Variants in EYA1 observed in about 807,000 individuals in gnomAD.
EYA1 encodes the protein EYA transcriptional coactivator and phosphatase 1.
In EYA1, 16 loss-of-function variants were observed where a neutral mutation model predicts 82.0. That is an observed-to-expected ratio of 0.20 (90% confidence interval 0.13 to 0.30). EYA1 has a LOEUF of 0.30. EYA1 is among the 10% of genes least tolerant of loss of function. EYA1 has a pLI of 1.00. For synonymous variants in EYA1, 261 were observed against 264.4 expected, an observed-to-expected ratio of 0.99 and a Z score of 0.12; for missense variants, 633 against 730.7, an observed-to-expected ratio of 0.87 and a Z score of 1.54.
chr8:71,543,874 A>G (rs987388810), intron 1 of EYA1, among the ~76,000 whole-genome samples: 10 of 152,140 alleles, frequency 6.6e-5, no homozygotes, highest in Middle Eastern at 3.2e-3. Flanking sequence ...TGAGAAAATA[A>G]ATGCCCTCCT....
At chr8:71,368,901 T>A (rs1478406385) in intron 2 of EYA1, among the ~76,000 whole-genome samples, 2 of 151,828 alleles carry the variant, frequency 1.3e-5, no homozygotes, top group Non-Finnish European at 2.9e-5. Flanking sequence ...ATTAAGATCT[T>A]CTTAAGGCCG....
At chr8:71,274,885 C>T (rs532303601) in intron 9 of EYA1, among the ~76,000 whole-genome samples, 6 of 147,370 alleles carry the variant, frequency 4.1e-5, no homozygotes, top group African/African-American at 1.3e-4. Flanking sequence ...AGAGAGTGAG[C>T]GAGCGAGAGA....
chr8:71,268,366 C>A (rs1252592728), intron 11 of EYA1, among the ~76,000 whole-genome samples: 4 of 152,104 alleles, frequency 2.6e-5, no homozygotes, highest in Non-Finnish European at 4.4e-5. Context: ...CAAGGTTCTG[C>A]CTACTAACTA....
chr8:71,253,752 G>T (rs1286687257), intron 11 of EYA1, among the ~76,000 whole-genome samples: 2 of 152,140 alleles, frequency 1.3e-5, no homozygotes, highest in East Asian at 3.9e-4. Flanking sequence ...CTATTGAAAA[G>T]ATAACAAAGG....
intron 3 of EYA1, among the ~76,000 whole-genome samples, chr8:71,348,674 C>G (rs997078918): frequency 1.3e-5 from 2 of 152,164 alleles, no homozygotes; most frequent in East Asian, 3.9e-4. Flanking sequence ...AAGGCTCACA[C>G]GGGCCACCCC....
At chr8:71,441,069 G>C (rs1182786077) in intron 2 of EYA1, among the ~76,000 whole-genome samples, 1 of 151,990 alleles carries the variant, frequency 6.6e-6, no homozygotes, top group African/African-American at 2.4e-5. Context: ...GTGCACAAAG[G>C]AATGAAAAGA....
intron 17 of EYA1, among the ~76,000 whole-genome samples, chr8:71,201,561 A>G (rs1807020995): frequency 6.6e-6 from 1 of 152,218 alleles, no homozygotes; most frequent in African/African-American, 2.4e-5. Flanking sequence ...ATGTTGTAAA[A>G]TATAGAACCC....
At chr8:71,336,737 A>T (rs1298134866) in intron 3 of EYA1, among the ~76,000 whole-genome samples, 1 of 152,136 alleles carries the variant, frequency 6.6e-6, no homozygotes, top group Non-Finnish European at 1.5e-5. Flanking sequence ...CCATCTATAC[A>T]CTAAGGAATA....
At chr8:71,366,101 G>T (rs913787180), upstream of EYA1, among the ~76,000 whole-genome samples, 6 of 151,922 alleles carry the variant, frequency 3.9e-5, no homozygotes, top group Non-Finnish European at 7.4e-5. Flanking sequence ...ATTTATTTAT[G>T]TAGGGTGTGA....
intron 2 of EYA1, among the ~76,000 whole-genome samples, chr8:71,477,816 G>A (rs36092019): frequency 0.15 from 23,287 of 152,130 alleles, 2,027 homozygotes; most frequent in Non-Finnish European, 0.2. Context: ...ATTCATAATA[G>A]CCAAATGCAA....
intron 2 of EYA1, among the ~76,000 whole-genome samples, chr8:71,389,209 T>A (rs1829137798): frequency 1.3e-5 from 2 of 152,152 alleles, no homozygotes; most frequent in Admixed American, 1.3e-4. Flanking sequence ...GATATTTTCA[T>A]TGTTTTTTTA....
chr8:71,413,412 A>G (rs1586669388), intron 2 of EYA1, among the ~76,000 whole-genome samples: 1 of 152,148 alleles, frequency 6.6e-6, no homozygotes, highest in Admixed American at 6.6e-5. Context: ...TTTACTTTAT[A>G]CCAATTGTTT....
intron 9 of EYA1, among the ~76,000 whole-genome samples, chr8:71,282,813 C>T (rs922321752): frequency 2.6e-5 from 4 of 152,160 alleles, no homozygotes; most frequent in African/African-American, 9.7e-5. Flanking sequence ...TAGGCCCTAA[C>T]CTGTCTTGTA....
intron 2 of EYA1, among the ~76,000 whole-genome samples, chr8:71,457,564 T>C (rs1002711012): frequency 5.3e-5 from 8 of 152,200 alleles, no homozygotes; most frequent in Non-Finnish European, 1.0e-4. Context: ...ATATACACCA[T>C]GGAATACTAT....
At chr8:71,369,202 CAAAAAAAA>C (rs368382614) in intron 2 of EYA1, among the ~76,000 whole-genome samples, 2 of 57,670 alleles carry the variant, frequency 3.5e-5, no homozygotes, top group African/African-American at 1.2e-4. Flanking sequence ...GACTCCGTCT[CAAAAAAAA>C]AAAAAAAAAA....
intron 11 of EYA1, among the ~76,000 whole-genome samples, chr8:71,258,521 A>G (rs566152043): frequency 3.9e-5 from 6 of 152,186 alleles, no homozygotes; most frequent in Non-Finnish European, 7.4e-5. Context: ...TGGAGTCTTA[A>G]ACTTTGGGTA....
rs1811250494 is a variant in EYA1 at position 71,231,952 on chromosome 8, CT to C, written c.1140+12650del. 2.0e-5 allele frequency among the ~76,000 whole-genome samples: 3 copies of C among 152,232 alleles called. No individual in the cohort carries two copies. In the East Asian group the frequency reaches 5.8e-4, roughly 29 times the overall value. The stretch of plus-strand genomic sequence containing the variant: ...AGCCCCATCCAGTTATTAGGCCCCG[CT>C]CCATAGCATCCTTGTGTGACAGCAG... On this transcript the variant is annotated intron_variant, in intron 12 of 17. Coordinates refer to ENST00000340726, the MANE Select transcript of EYA1 (RefSeq NM_000503.6).
chr8:71,211,180 T>A lies in EYA1; in HGVS notation c.1674A>T (p.Val558=). 1 of 1,612,684 alleles carries A rather than the reference T, an allele frequency of 6.2e-7. No homozygotes were observed. The highest frequency in any genetic ancestry group is 8.5e-7 in the Non-Finnish European group (1 of 1,178,724). ...KVVYVVIGDG[V]EEEQGAKKHA... ...CCTTTTTTGCTCCTTGTTCTTCTTC[T>A]ACACCATCTCCTATAACAACATACA... Residue 558 remains valine (V), a synonymous_variant, in exon 17 of 18, where the codon GTA becomes GTT. Coordinates refer to ENST00000340726, the MANE Select transcript of EYA1 (RefSeq NM_000503.6).
chr8:71,472,457 TAAA>T (rs979139617), intron 2 of EYA1, among the ~76,000 whole-genome samples: 1 of 152,104 alleles, frequency 6.6e-6, no homozygotes, highest in Admixed American at 6.6e-5. Flanking sequence ...AGTTTTGAAT[TAAA>T]AATAGGTCAA....
Sources: allele counts gnomAD v4.1 joint callset (sites outside exome capture counted in the v4.1 genomes callset), GRCh38; gene constraint gnomAD v4.1.1; transcripts MANE v1.5; gene names NCBI Gene and HGNC (gene_info 2026-07-23, HGNC 2026-07-21).